WBP2NL: variants seen among roughly 807,000 people sequenced by gnomAD.
The protein encoded by WBP2NL is postacrosomal sheath WW domain-binding protein.
A neutral mutation model predicts 23.3 loss-of-function variants in WBP2NL; 27 were observed. The observed-to-expected ratio is 1.16, with a 90% CI of 0.85 to 1.60. The LOEUF (loss-of-function observed/expected upper bound fraction) is 1.60, where lower values mean the gene tolerates loss of function less well. Among genes scored for constraint, WBP2NL ranks in the 40% most tolerant of loss-of-function variants. The pLI, the probability that WBP2NL is intolerant of heterozygous loss-of-function variation, is 0.00. For synonymous variants in WBP2NL, 151 were observed against 145.9 expected, an observed-to-expected ratio of 1.03 and a Z score of -0.25; for missense variants, 370 against 389.5, an observed-to-expected ratio of 0.95 and a Z score of 0.42.
intron 1 of WBP2NL, among the ~76,000 whole-genome samples, chr22:42,013,021 A>G (rs1922967894): frequency 6.6e-6 from 1 of 150,560 alleles, no homozygotes; most frequent in African/African-American, 2.4e-5. Flanking sequence ...GTGTTTTTTT[A>G]CTTTTAGCAG....
chr22:42,022,260 T>C lies in WBP2NL; in HGVS notation c.418T>C (p.Phe140Leu), dbSNP rs1416589547. ...ATTTGTCTTTCCAGCTGCCCGAGGATTTCCACTTAGAACCTTAAATGACTG... is the reference window on the plus strand; with the variant it reads ...ATTTGTCTTTCCAGCTGCCCGAGGACTTCCACTTAGAACCTTAAATGACTG... ...VKAASAAARG[F>L]PLRTLNDWFS... Residue 140 changes from phenylalanine to leucine, a missense_variant, in exon 5 of 6, where the codon TTT (phenylalanine) becomes CTT (leucine). Phe to Leu is a conservative substitution (Grantham distance 22). Coordinates refer to ENST00000328823, the MANE Select transcript of WBP2NL (RefSeq NM_152613.3). 1.2e-6 allele frequency: 2 copies of C among 1,614,222 alleles called. No individual in the cohort carries two copies. The highest frequency in any genetic ancestry group is 1.7e-6 in the Non-Finnish European group (2 of 1,180,036).
At chr22:42,057,222 C>A (rs1052063013) in intron 8 of WBP2NL, among the ~76,000 whole-genome samples, 1 of 152,110 alleles carries the variant, frequency 6.6e-6, no homozygotes, top group Admixed American at 6.6e-5. Context: ...GTTCTTCATT[C>A]TTGTTTCTTT....
rs1416342269 is a variant in WBP2NL, at chr22:42,019,599, T to C, written c.172-63T>C. ...AGTTAGACCAGAATGCACCTTGCTC[T>C]TGTAAGTCTCAATCCATGGACAAAT... On this transcript the variant is annotated intron_variant, in intron 2 of 5. Coordinates refer to ENST00000328823, the MANE Select transcript of WBP2NL (RefSeq NM_152613.3). 3 of 1,603,574 alleles carry C rather than the reference T, an allele frequency of 1.9e-6. No individual in the cohort carries two copies. The African/African-American group carries it at 4.0e-5, about 21-fold the overall frequency.
intron 8 of WBP2NL, among the ~76,000 whole-genome samples, chr22:42,054,885 G>A (rs1253862186): frequency 6.6e-6 from 1 of 151,832 alleles, no homozygotes; most frequent in Non-Finnish European, 1.5e-5. Flanking sequence ...GAGACCTGGT[G>A]TCTAAAAAAG....
At chr22:42,018,436 GAA>G (rs756806352) in intron 1 of WBP2NL, among the ~76,000 whole-genome samples, 4 of 149,908 alleles carry the variant, frequency 2.7e-5, no homozygotes, top group Non-Finnish European at 5.9e-5. Flanking sequence ...GGAAAGGAAA[GAA>G]AGAAGTGAGG....
Position 42,024,066 on chromosome 22 carries a change from A to G in WBP2NL, c.514+1710A>G, listed in dbSNP as rs189558130. Among the ~76,000 whole-genome samples the G allele has an allele frequency of 9.8e-5, 15 of 152,350 alleles. No homozygotes were observed. In the East Asian group the frequency reaches 2.9e-3, roughly 29 times the overall value. ...TTATTGATTCACCTATTGTGAATAT[A>G]TCACATAAAAGAAATCATACAATAT... is the stretch of plus-strand genomic sequence containing the variant. On this transcript the variant is annotated intron_variant, in intron 5 of 5. Coordinates refer to ENST00000328823, the MANE Select transcript of WBP2NL (RefSeq NM_152613.3).
intron 5 of WBP2NL, among the ~76,000 whole-genome samples, chr22:42,026,535 T>C (rs945111392): frequency 6.6e-6 from 1 of 152,120 alleles, no homozygotes; most frequent in Non-Finnish European, 1.5e-5. Flanking sequence ...AGAGTATAAG[T>C]AACGCACCGA....
chr22:42,023,434 A>G (rs1456273397), intron 5 of WBP2NL, among the ~76,000 whole-genome samples: 1 of 152,046 alleles, frequency 6.6e-6, no homozygotes, highest in Non-Finnish European at 1.5e-5. Flanking sequence ...GCCTCCAGCC[A>G]TCTGCCCGCC....
chr22:42,011,846 C>G (rs936425733), intron 1 of WBP2NL, among the ~76,000 whole-genome samples: 1 of 151,656 alleles, frequency 6.6e-6, no homozygotes, highest in African/African-American at 2.4e-5. Flanking sequence ...AATATTGGCT[C>G]GCTGCAACCT....
intron 8 of WBP2NL, among the ~76,000 whole-genome samples, chr22:42,042,926 G>A (rs769899269): frequency 2.2e-4 from 34 of 151,142 alleles, no homozygotes; most frequent in African/African-American, 3.4e-4. Flanking sequence ...TTAGCCAGGC[G>A]TGGTGGTATA....
intron 1 of WBP2NL, chr22:42,001,481 T>G (rs913333296): frequency 1.1e-6 from 1 of 939,316 alleles, no homozygotes; most frequent in African/African-American, 1.6e-5. Flanking sequence ...TTTGTAGATC[T>G]TAACTAGGCA....
At chr22:42,034,804 C>A (rs1169795756), downstream of WBP2NL, among the ~76,000 whole-genome samples, 1 of 152,212 alleles carries the variant, frequency 6.6e-6, no homozygotes, top group Non-Finnish European at 1.5e-5. Context: ...GATATTTCTC[C>A]CATTTGCTTT....
At chr22:42,008,873 G>A (rs1431605934) in intron 1 of WBP2NL, among the ~76,000 whole-genome samples, 1 of 152,190 alleles carries the variant, frequency 6.6e-6, no homozygotes, top group Non-Finnish European at 1.5e-5. Context: ...CCGCCTCCCA[G>A]GTTCACACCA....
At chr22:42,022,446 G>GGAT in intron 5 of WBP2NL, 90 bp downstream of exon 5, 1 of 1,196,764 alleles carries the variant, frequency 8.4e-7, no homozygotes, top group Non-Finnish European at 1.2e-6. Context: ...CTCCCTGCAG[G>GGAT]AGCAGCAGCA....
At chr22:42,053,991 T>C (rs1448365552) in intron 8 of WBP2NL, among the ~76,000 whole-genome samples, 1 of 152,146 alleles carries the variant, frequency 6.6e-6, no homozygotes, top group African/African-American at 2.4e-5. Context: ...GACAAGGTCT[T>C]ACTATGTTGC....
intron 8 of WBP2NL, among the ~76,000 whole-genome samples, chr22:42,055,428 GCCTCCCAAAGT>G (rs1569455857): frequency 1.3e-5 from 2 of 152,172 alleles, no homozygotes; most frequent in African/African-American, 4.8e-5. Context: ...GCCCGACTTG[GCCTCCCAAAGT>G]GCTGGGATTA....
Position 42,027,641 on chromosome 22 carries a change from A to T in WBP2NL, c.*460A>T, listed in dbSNP as rs133347. The T allele has an allele frequency of 0.44, 119,037 of 272,538 alleles. 30,074 individuals carry two copies. The highest frequency in any genetic ancestry group is 0.84 in the East Asian group (12,946 of 15,382). The allele number at this position is 272,538 out of a possible 1,614,324, so 16.9% of individuals were successfully genotyped here. A position where few individuals can be genotyped will look rare whatever the true frequency, so the allele number is the denominator to read the frequency against. ...TTATAAATTACGGTGGATCCACAAA[A>T]TGGAGTATTATACACCTGTTGAAAA... On this transcript the variant is annotated 3_prime_UTR_variant, in exon 6 of 6. Coordinates refer to ENST00000328823, the MANE Select transcript of WBP2NL (RefSeq NM_152613.3).
intron 4 of WBP2NL, 53 bp from the exon 5 acceptor site, chr22:42,022,196 A>G (rs1924042235): frequency 4.3e-6 from 6 of 1,393,472 alleles, no homozygotes; most frequent in East Asian, 2.3e-5. Flanking sequence ...GATATCTGCT[A>G]TATATCTGAC....
intron 8 of WBP2NL, among the ~76,000 whole-genome samples, chr22:42,038,909 T>G (rs915338934): frequency 3.3e-5 from 5 of 151,114 alleles, no homozygotes; most frequent in African/African-American, 1.2e-4. Context: ...CAGCTGGATT[T>G]TTTTTTTCTT....
Sources: gnomAD v4.1 joint callset for allele counts (sites outside exome capture counted in the v4.1 genomes callset) on GRCh38, gnomAD v4.1.1 for gene constraint, MANE v1.5 for transcripts, NCBI Gene and HGNC (gene_info 2026-07-23, HGNC 2026-07-21) for gene names.